NXPE4: variants seen among roughly 807,000 people sequenced by gnomAD.
NXPE4 encodes the protein neurexophilin and PC-esterase domain family member 4.
A neutral mutation model predicts 33.3 loss-of-function variants in NXPE4; 42 were observed. The ratio of observed to expected loss-of-function variants is 1.26; its 90% CI spans 0.98 to 1.63. The LOEUF is 1.63. Ranked by LOEUF, NXPE4 falls within the 40% of genes most tolerant of loss-of-function variation. NXPE4 has a pLI of 0.00. For synonymous variants in NXPE4, 253 were observed against 234.9 expected (o/e 1.08, Z -0.71); for missense variants, 709 against 647.6 (o/e 1.09, Z -1.03).
intron 5 of NXPE4, among the ~76,000 whole-genome samples, chr11:114,579,854 G>C (rs1432180245): frequency 6.6e-6 from 1 of 152,114 alleles, no homozygotes; most frequent in Non-Finnish European, 1.5e-5. Flanking sequence ...ATTATCTTTG[G>C]TTCCATCAAT....
the NXPE4 span, among the ~76,000 whole-genome samples, chr11:114,664,725 G>T: frequency 2.6e-5 from 4 of 152,140 alleles, no homozygotes; most frequent in Non-Finnish European, 5.9e-5. Context: ...AATAGAAACC[G>T]TACTTCCAAT....
At chr11:114,649,492 C>T in the NXPE4 span, among the ~76,000 whole-genome samples, 7 of 152,306 alleles carry the variant, frequency 4.6e-5, no homozygotes, top group African/African-American at 1.7e-4. Context: ...CAAGAGACCA[C>T]ATGTTGTGAC....
the NXPE4 span, among the ~76,000 whole-genome samples, chr11:114,658,480 G>C: frequency 1.3e-5 from 2 of 152,088 alleles, no homozygotes; most frequent in Non-Finnish European, 2.9e-5. Flanking sequence ...CAGGAGACCA[G>C]ACCTCACTAA....
the NXPE4 span, among the ~76,000 whole-genome samples, chr11:114,638,293 G>A: frequency 2.4e-4 from 37 of 151,724 alleles, no homozygotes; most frequent in African/African-American, 8.5e-4. Context: ...TGTAGTTCTC[G>A]AGCCTTGGTT....
chr11:114,626,081 C>T, the NXPE4 span, among the ~76,000 whole-genome samples: 1,333 of 152,230 alleles, frequency 8.8e-3, 20 homozygotes, highest in African/African-American at 0.03. Flanking sequence ...AACTGCAAGG[C>T]GGCAGCGAGG....
the NXPE4 span, among the ~76,000 whole-genome samples, chr11:114,675,204 T>A: frequency 3.3e-5 from 5 of 151,924 alleles, no homozygotes; most frequent in South Asian, 1.0e-3. Context: ...ACAACTAATA[T>A]CATACTCAAT....
the NXPE4 span, among the ~76,000 whole-genome samples, chr11:114,678,195 A>G: frequency 6.6e-6 from 1 of 152,092 alleles, no homozygotes; most frequent in South Asian, 2.1e-4. Flanking sequence ...TTTTTCAGTT[A>G]CTTTTCCTGC....
intron 5 of NXPE4, 102 bp from the exon 6 acceptor site, chr11:114,571,575 T>G (rs1237891156): frequency 9.5e-7 from 1 of 1,054,866 alleles, no homozygotes; most frequent in Non-Finnish European, 1.4e-6. Context: ...TTAAATAAGC[T>G]AATCATGTCT....
chr11:114,626,399 C>T, the NXPE4 span, among the ~76,000 whole-genome samples: 7 of 152,150 alleles, frequency 4.6e-5, no homozygotes, highest in African/African-American at 1.2e-4. Context: ...CTGGGAGGCA[C>T]CCCCCAACAG....
At chr11:114,649,093 T>C in the NXPE4 span, among the ~76,000 whole-genome samples, 174 of 152,226 alleles carry the variant, frequency 1.1e-3, 1 homozygote, top group Non-Finnish European at 1.6e-3. Context: ...TACCATTCCA[T>C]ATTCCTTTCG....
chr11:114,606,845 G>T, the NXPE4 span, among the ~76,000 whole-genome samples: 1 of 151,290 alleles, frequency 6.6e-6, no homozygotes, highest in Non-Finnish European at 1.5e-5. Flanking sequence ...GTGTTGCCTC[G>T]TGGGTAATCA....
the NXPE4 span, among the ~76,000 whole-genome samples, chr11:114,620,390 C>CAATA: frequency 6.6e-6 from 1 of 152,056 alleles, no homozygotes; most frequent in Non-Finnish European, 1.5e-5. Context: ...CGTGGGTAAC[C>CAATA]ACTGTTACCC....
chr11:114,574,561 A>G (rs111901704), intron 5 of NXPE4, among the ~76,000 whole-genome samples: 3 of 152,088 alleles, frequency 2.0e-5, no homozygotes, highest in African/African-American at 2.4e-5. Flanking sequence ...ATTCAAGGCT[A>G]CTGTGAACAC....
the NXPE4 span, among the ~76,000 whole-genome samples, chr11:114,621,572 G>A: frequency 6.6e-6 from 1 of 152,140 alleles, no homozygotes; most frequent in Non-Finnish European, 1.5e-5. Flanking sequence ...GGTAACCACT[G>A]TTACCTGTTG....
At chr11:114,635,846 G>T in the NXPE4 span, among the ~76,000 whole-genome samples, 1 of 152,072 alleles carries the variant, frequency 6.6e-6, no homozygotes, top group Non-Finnish European at 1.5e-5. Context: ...GCTTTTTGAT[G>T]TGTTGCTGTA....
Position 114,570,910 on chromosome 11 carries a change from G to A in NXPE4, c.*28C>T. 2 of 1,495,962 alleles carry A rather than the reference G, an allele frequency of 1.3e-6. No homozygotes were observed. Among genetic ancestry groups the A allele is most frequent in the Admixed American group, 1.9e-5 (1 of 51,410 alleles). 92.7% of individuals were successfully genotyped at this position (1,495,962 alleles called of 1,614,324 possible). A position where few individuals can be genotyped will look rare whatever the true frequency, so the allele number is the denominator to read the frequency against. On this transcript the variant is annotated 3_prime_UTR_variant, in exon 6 of 6. Transcript: ENST00000375478. The stretch of plus-strand genomic sequence containing the variant: ...ACAGTCAATAAATTTTTTTACTTAA[G>A]TGAATGAATTTCAGACTTTTGTGTT...
chr11:114,606,501 G>A, the NXPE4 span, among the ~76,000 whole-genome samples: 5 of 151,110 alleles, frequency 3.3e-5, no homozygotes, highest in Admixed American at 1.3e-4. Flanking sequence ...GATAATAAGT[G>A]TTGCCTCTAG....
intron 4 of NXPE4, 128 bp downstream of exon 4, chr11:114,581,597 C>T: frequency 2.7e-6 from 2 of 737,832 alleles, no homozygotes; most frequent in South Asian, 1.7e-5. Context: ...GTGTCTTGGC[C>T]AACCTTAGAT....
At chr11:114,663,155 G>A in the NXPE4 span, among the ~76,000 whole-genome samples, 4 of 152,168 alleles carry the variant, frequency 2.6e-5, no homozygotes, top group Non-Finnish European at 5.9e-5. Context: ...ATTGGTGGTA[G>A]TCTGGCAGTA....
Sources: gnomAD v4.1 joint callset for allele counts (sites outside exome capture counted in the v4.1 genomes callset) on GRCh38, gnomAD v4.1.1 for gene constraint, MANE v1.5 for transcripts, NCBI Gene and HGNC (gene_info 2026-07-23, HGNC 2026-07-21) for gene names.